Variants in CA5A observed in about 807,000 individuals in gnomAD.
The protein encoded by CA5A is carbonic anhydrase 5A, mitochondrial.
In CA5A, 28 loss-of-function variants were observed where a neutral mutation model predicts 37.1. The observed-to-expected ratio is 0.75, with a 90% CI of 0.56 to 1.03. The LOEUF is 1.03. CA5A is among the 50% of genes least tolerant of loss of function. The pLI is 0.00. For synonymous variants in CA5A, 171 were observed against 158.4 expected (o/e 1.08, Z -0.60); for missense variants, 444 against 399.9 (o/e 1.11, Z -0.94).
At chr16:87,919,258 G>A (rs1396999332) in intron 2 of CA5A, among the ~76,000 whole-genome samples, 6 of 152,340 alleles carry the variant, frequency 3.9e-5, no homozygotes, top group Middle Eastern at 3.4e-3. Flanking sequence ...CAGGGTGCAC[G>A]TCCAGTGAGG....
chr16:87,904,543 G>A (rs541779104), intron 3 of CA5A, among the ~76,000 whole-genome samples: 24 of 152,298 alleles, frequency 1.6e-4, no homozygotes, highest in African/African-American at 5.1e-4. Context: ...GGCAAGTTCC[G>A]TAACCATTCA....
chr16:87,886,782 C>A (rs1480162739), downstream of CA5A: 1 of 152,242 alleles, frequency 6.6e-6, no homozygotes, highest in Non-Finnish European at 1.5e-5. Context: ...CCATTCCCTA[C>A]AGCATGAGTC....
intron 2 of CA5A, among the ~76,000 whole-genome samples, chr16:87,918,295 G>A (rs960158068): frequency 7.2e-5 from 11 of 152,208 alleles, no homozygotes; most frequent in African/African-American, 2.7e-4. Flanking sequence ...TCTGTGGGGG[G>A]CACTCAAGGT....
chr16:87,929,698 C>T (rs1459976261), intron 1 of CA5A, among the ~76,000 whole-genome samples: 10 of 151,408 alleles, frequency 6.6e-5, no homozygotes, highest in Non-Finnish European at 1.0e-4. Context: ...CCGTGAAACC[C>T]GGTCTCTACT....
intron 1 of CA5A, among the ~76,000 whole-genome samples, chr16:87,932,718 C>T (rs1273947446): frequency 2.6e-5 from 4 of 152,042 alleles, no homozygotes; most frequent in African/African-American, 9.7e-5. Context: ...CCCCAGGAGG[C>T]CAGTATTTGC....
intron 1 of CA5A, among the ~76,000 whole-genome samples, chr16:87,933,102 G>A (rs1431600441): frequency 6.6e-6 from 1 of 152,208 alleles, no homozygotes; most frequent in African/African-American, 2.4e-5. Context: ...CAGCCCGGGG[G>A]GAGCCAAATG....
chr16:87,918,680 C>T (rs915441142), intron 2 of CA5A, among the ~76,000 whole-genome samples: 2 of 152,228 alleles, frequency 1.3e-5, no homozygotes, highest in African/African-American at 2.4e-5. Flanking sequence ...TTCCCTTTCT[C>T]TTATGGGCAC....
intron 6 of CA5A, among the ~76,000 whole-genome samples, chr16:87,891,336 TG>T (rs1169109258): frequency 6.6e-6 from 1 of 151,156 alleles, no homozygotes; most frequent in African/African-American, 2.4e-5. Context: ...GGCGTGGTGA[TG>T]GGTGCCTGTA....
chr16:87,901,982 GCAGA>G lies in CA5A; in HGVS notation c.556-12_556-9del. On this transcript the variant is annotated splice_polypyrimidine_tract_variant and intron_variant, in intron 4 of 6. Coordinates refer to ENST00000649794, the MANE Select transcript of CA5A (RefSeq NM_001739.2). ...CTGATGATGGGCCCCGAGCTGCATGGCAGACAAAGGAGGGGTTAGCTGCAAAGGC... is the reference window on the plus strand; with the variant it reads ...CTGATGATGGGCCCCGAGCTGCATGGCAAAGGAGGGGTTAGCTGCAAAGGC... The G allele has an allele frequency of 1.2e-6, 2 of 1,613,070 alleles. No homozygotes were observed. Among genetic ancestry groups the G allele is most frequent in the Non-Finnish European group, 1.7e-6 (2 of 1,179,200 alleles).
chr16:87,935,531 G>A lies in CA5A; in HGVS notation c.142+778C>T, dbSNP rs1184254618. ...GCTCCCAGCATCTTGCCCTCCCCAG[G>A]ACCCCTGAAACGGAGGCTAAATGAT... On this transcript the variant is annotated intron_variant, in intron 1 of 6. Transcript: ENST00000649794. Among the ~76,000 whole-genome samples the A allele has an allele frequency of 3.9e-5, 6 of 152,280 alleles. No homozygotes were observed. In the South Asian group the frequency reaches 1.0e-3, roughly 26 times the overall value.
intron 2 of CA5A, among the ~76,000 whole-genome samples, chr16:87,913,074 C>G (rs2056075651): frequency 6.6e-6 from 1 of 151,824 alleles, no homozygotes; most frequent in Non-Finnish European, 1.5e-5. Flanking sequence ...GCCTCCGCCT[C>G]CTAGGTTCAA....
At chr16:87,927,856 C>CAAAA (rs569544193) in intron 1 of CA5A, among the ~76,000 whole-genome samples, 2 of 78,952 alleles carry the variant, frequency 2.5e-5, no homozygotes, top group African/African-American at 4.5e-5. Flanking sequence ...GACTCTGCCT[C>CAAAA]AAAAAAAAAA....
chr16:87,886,815 C>G (rs1187733549), downstream of CA5A: 1 of 152,226 alleles, frequency 6.6e-6, no homozygotes, highest in Non-Finnish European at 1.5e-5. Flanking sequence ...TGTGTGGAAC[C>G]TTCTAGACAC....
In CA5A at chr16:87,891,819, C is replaced by T. The variant is rs779392097; in HGVS notation, c.754G>A (p.Val252Ile). ...SVTWIIQKEPVEVAPSQLSAF... is the reference protein window; with the variant it reads ...SVTWIIQKEPIEVAPSQLSAF... Reference sequence around the variant, plus strand: ...CTCACCTGGCTTGGGGCCACTTCAACGGGCTCCTTCTGGATGATCCAGGTG... The same window carrying T: ...CTCACCTGGCTTGGGGCCACTTCAATGGGCTCCTTCTGGATGATCCAGGTG... Residue 252 changes from valine (V) to isoleucine (I), a missense_variant, in exon 6 of 7, where the codon GTT becomes ATT. By Grantham distance (29) the Val-to-Ile change is conservative. Transcript: ENST00000649794. 1.1e-5 allele frequency: 17 copies of T among 1,542,752 alleles called. No individual in the cohort carries two copies. The highest frequency in any genetic ancestry group is 7.1e-5 in the African/African-American group (5 of 70,812).
At chr16:87,913,467 A>C (rs972368977) in intron 2 of CA5A, among the ~76,000 whole-genome samples, 2 of 151,802 alleles carry the variant, frequency 1.3e-5, no homozygotes, top group Non-Finnish European at 2.9e-5. Flanking sequence ...TTTTTTTTAC[A>C]AGACCACTGT....
chr16:87,910,030 C>T (rs903573117), intron 2 of CA5A, among the ~76,000 whole-genome samples: 1 of 152,140 alleles, frequency 6.6e-6, no homozygotes. Flanking sequence ...ACGGTTAAGT[C>T]ACATGGGAAA....
intron 2 of CA5A, chr16:87,925,706 T>C (rs1258390478): frequency 2.0e-5 from 3 of 152,064 alleles, no homozygotes; most frequent in East Asian, 1.9e-4. Context: ...CCGAGAATCA[T>C]GGTGAAGGTT....
chr16:87,924,781 A>G (rs113904153), intron 2 of CA5A, among the ~76,000 whole-genome samples: 2,958 of 152,328 alleles, frequency 0.019, 91 homozygotes, highest in African/African-American at 0.068. Flanking sequence ...GCGTGGGGGC[A>G]GCGTCCCGCT....
intron 2 of CA5A, among the ~76,000 whole-genome samples, chr16:87,916,407 T>A (rs2056144241): frequency 6.6e-6 from 1 of 152,104 alleles, no homozygotes; most frequent in Non-Finnish European, 1.5e-5. Flanking sequence ...AAAACGGTGA[T>A]GCTGGAATGC....
Sources: gnomAD v4.1 joint callset for allele counts (sites outside exome capture counted in the v4.1 genomes callset) on GRCh38, gnomAD v4.1.1 for gene constraint, MANE v1.5 for transcripts, NCBI Gene and HGNC (gene_info 2026-07-23, HGNC 2026-07-21) for gene names.